The following USP33 variants were observed in gnomAD, a reference collection of about 807,000 sequenced individuals.
The protein encoded by USP33 is ubiquitin specific peptidase 33, also known as ubiquitin carboxyl-terminal hydrolase 33.
In USP33, 46 loss-of-function variants were observed where a neutral mutation model predicts 124.2. The ratio of observed to expected loss-of-function variants is 0.37; its 90% CI spans 0.29 to 0.47. The LOEUF is 0.47. USP33 is among the 20% of genes least tolerant of loss of function. USP33 has a pLI of 0.99. For missense variants in USP33, 851 were observed against 1,070.6 expected (o/e 0.79, Z 2.86); for synonymous variants, 350 against 352.3 (o/e 0.99, Z 0.07).
chr1:77,706,887 A>G (rs1053341636), intron 21 of USP33, among the ~76,000 whole-genome samples: 5 of 152,334 alleles, frequency 3.3e-5, no homozygotes, highest in Middle Eastern at 3.4e-3. Flanking sequence ...TTTGCTTCCC[A>G]TACTCACAAC....
chr1:77,717,783 G>T (rs556178871), intron 17 of USP33, 84 bp downstream of exon 17: 5 of 1,254,536 alleles, frequency 4.0e-6, no homozygotes, highest in Non-Finnish European at 5.3e-6. Context: ...CAAAAGGCTG[G>T]TATTACAGGT....
chr1:77,758,156 T>A (rs939395172), intron 1 of USP33, among the ~76,000 whole-genome samples: 3 of 148,126 alleles, frequency 2.0e-5, no homozygotes, highest in Non-Finnish European at 4.5e-5. Flanking sequence ...TTTATTCCAA[T>A]AATATTTTTT....
intron 9 of USP33, among the ~76,000 whole-genome samples, chr1:77,729,056 C>A (rs2101460071): frequency 6.6e-6 from 1 of 152,196 alleles, no homozygotes. Flanking sequence ...CGTGCCACCA[C>A]ACCTGGTTGA....
chr1:77,723,724 T>C (rs377273857), intron 11 of USP33, among the ~76,000 whole-genome samples: 1 of 152,164 alleles, frequency 6.6e-6, no homozygotes, highest in South Asian at 2.1e-4. Context: ...AGTGCAGTGG[T>C]GCGATCTCGG....
chr1:77,713,350 T>C (rs1435258267), intron 19 of USP33, 69 bp from the exon 20 acceptor site: 17 of 1,350,042 alleles, frequency 1.3e-5, no homozygotes, highest in Middle Eastern at 2.2e-4. Context: ...TAAACTCATT[T>C]TTTTTTTAAC....
chr1:77,724,555 A>G (rs191588403), intron 11 of USP33, among the ~76,000 whole-genome samples: 29 of 152,314 alleles, frequency 1.9e-4, no homozygotes, highest in Non-Finnish European at 2.9e-4. Context: ...ACTCTGGTAA[A>G]AAGTCTGGCA....
chr1:77,702,866 G>A (rs1674199547), intron 21 of USP33, among the ~76,000 whole-genome samples: 1 of 151,808 alleles, frequency 6.6e-6, no homozygotes, highest in Admixed American at 6.6e-5. Context: ...AAGAGGCTCG[G>A]GAAAATTAAG....
chr1:77,719,593 C>CTA (rs1360250781), intron 15 of USP33, among the ~76,000 whole-genome samples: 1 of 151,988 alleles, frequency 6.6e-6, no homozygotes, highest in Non-Finnish European at 1.5e-5. Context: ...TGGCTCACGC[C>CTA]TATAATCCCA....
chr1:77,713,557 C>CTTT (rs1192112747), intron 19 of USP33: 5,144 of 145,146 alleles, frequency 0.035, 114 homozygotes, highest in Non-Finnish European at 0.046. Context: ...GCTAACTTTT[C>CTTT]TTTTTTTTTT....
chr1:77,752,498 G>A (rs1680430972), intron 1 of USP33, among the ~76,000 whole-genome samples: 1 of 152,088 alleles, frequency 6.6e-6, no homozygotes, highest in Non-Finnish European at 1.5e-5. Flanking sequence ...TTAATATTGA[G>A]AAACTGCCTG....
chr1:77,727,321 G>A (rs1677285550), intron 10 of USP33, among the ~76,000 whole-genome samples: 1 of 152,200 alleles, frequency 6.6e-6, no homozygotes, highest in African/African-American at 2.4e-5. Flanking sequence ...ACCTGTTACA[G>A]AGCAATCAAA....
chr1:77,735,093 A>G (rs1678283677), intron 6 of USP33, among the ~76,000 whole-genome samples: 1 of 151,740 alleles, frequency 6.6e-6, no homozygotes, highest in Non-Finnish European at 1.5e-5. Context: ...ACTGCACTCC[A>G]GCCTGGGCAA....
intron 21 of USP33, among the ~76,000 whole-genome samples, chr1:77,705,704 C>T (rs571842939): frequency 6.6e-6 from 1 of 152,192 alleles, no homozygotes; most frequent in South Asian, 2.1e-4. Context: ...GTGTAATCCT[C>T]CCACTCTTCG....
chr1:77,735,997 T>C (rs1678400061), intron 6 of USP33, 59 bp downstream of exon 6: 1 of 1,253,916 alleles, frequency 8.0e-7, no homozygotes. Flanking sequence ...TTACATTATA[T>C]GGTTTTCTAA....
chr1:77,740,773 T>G, intron 4 of USP33, 104 bp downstream of exon 4: 2 of 791,270 alleles, frequency 2.5e-6, no homozygotes, highest in East Asian at 2.8e-5. Flanking sequence ...TAACTTAGAG[T>G]GCAAATTTGA....
At chr1:77,743,480 T>A (rs963065087) in intron 1 of USP33, among the ~76,000 whole-genome samples, 5 of 152,092 alleles carry the variant, frequency 3.3e-5, no homozygotes, top group Non-Finnish European at 7.4e-5. Context: ...TGCAAACATT[T>A]CTTTTTTCTT....
chr1:77,741,520 A>T, intron 2 of USP33, 91 bp from the exon 3 acceptor site: 2 of 1,538,640 alleles, frequency 1.3e-6, no homozygotes, highest in South Asian at 1.2e-5. Context: ...ACATATTTTT[A>T]AAATACTGCT....
chr1:77,700,467 A>G (rs1328838630), intron 22 of USP33, among the ~76,000 whole-genome samples: 1 of 152,114 alleles, frequency 6.6e-6, no homozygotes. Flanking sequence ...AAATTAGCCA[A>G]GTGTGGTAGT....
chr1:77,746,461 T>C (rs979901605), intron 1 of USP33: 2 of 152,342 alleles, frequency 1.3e-5, no homozygotes, highest in East Asian at 1.9e-4. Flanking sequence ...AAAGAGGAGC[T>C]GGTACCATTC....
Sources: allele counts gnomAD v4.1 joint callset (sites outside exome capture counted in the v4.1 genomes callset), GRCh38; gene constraint gnomAD v4.1.1; transcripts MANE v1.5; gene names NCBI Gene and HGNC (gene_info 2026-07-23, HGNC 2026-07-21).